Variants in ATRNL1 observed in about 807,000 individuals in gnomAD.
ATRNL1 encodes attractin like 1, also known as attractin-like protein 1.
Under a neutral mutation model 182.7 loss-of-function variants are expected in ATRNL1, and 95 were observed. The observed-to-expected ratio is 0.52, with a 90% CI of 0.44 to 0.62. The LOEUF is 0.62. Ranked by LOEUF, ATRNL1 falls within the 20% of genes least tolerant of loss-of-function variation. The pLI, the probability that ATRNL1 is intolerant of heterozygous loss-of-function variation, is 0.00. For missense variants in ATRNL1, 1,471 were observed against 1,679.5 expected (o/e 0.88, Z 2.17); for synonymous variants, 576 against 568.3 (o/e 1.01, Z -0.19).
chr10:115,549,656 A>G (rs1338331423), intron 26 of ATRNL1, 120 bp downstream of exon 26: 1 of 571,014 alleles, frequency 1.8e-6, no homozygotes, highest in East Asian at 3.5e-5. Flanking sequence ...TTACATACTA[A>G]TATTCAAAAA....
chr10:115,373,698 G>T (rs369565629), intron 19 of ATRNL1, among the ~76,000 whole-genome samples: 2 of 151,662 alleles, frequency 1.3e-5, no homozygotes, highest in East Asian at 3.9e-4. Context: ...TGCATCCCTA[G>T]GATAAATCTT....
intron 27 of ATRNL1, among the ~76,000 whole-genome samples, chr10:115,759,720 G>A (rs749656747): frequency 3.3e-5 from 5 of 150,024 alleles, no homozygotes; most frequent in East Asian, 1.9e-4. Context: ...CTGTCGCCCC[G>A]GCTGGAGTGC....
intron 18 of ATRNL1, among the ~76,000 whole-genome samples, chr10:115,331,661 A>T (rs1212397190): frequency 6.6e-6 from 1 of 151,212 alleles, no homozygotes; most frequent in Non-Finnish European, 1.5e-5. Context: ...TTTATTGACA[A>T]ATTAGGTATT....
rs184989470 is a variant in ATRNL1 at position 115,144,153 on chromosome 10, T to A, written c.829+14618T>A. On this transcript the variant is annotated intron_variant, in intron 5 of 28. Transcript: ENST00000355044. ...ACCACCACGCCCAGCTAAGTTTTTG[T>A]ATTTTTTTTTTTGAGACGGAGTCTC... Among the ~76,000 whole-genome samples, 667 of 151,630 alleles carry A rather than the reference T, an allele frequency of 4.4e-3. 7 individuals carry two copies. Among genetic ancestry groups the A allele is most frequent in the African/African-American group, 0.015 (625 of 41,330 alleles).
chr10:115,671,159 A>G (rs1945686150), intron 26 of ATRNL1, among the ~76,000 whole-genome samples: 1 of 152,130 alleles, frequency 6.6e-6, no homozygotes, highest in Admixed American at 6.6e-5. Context: ...TCCAAGCTAG[A>G]GGTCAGATCA....
chr10:115,361,013 T>C (rs188810697), intron 19 of ATRNL1, among the ~76,000 whole-genome samples: 280 of 152,026 alleles, frequency 1.8e-3, no homozygotes, highest in African/African-American at 6.3e-3. Context: ...ATGCTCACAA[T>C]GAACCTTTGG....
Position 115,334,344 on chromosome 10 carries a change from C to A in ATRNL1, c.3100C>A (p.Leu1034Ile). 1 of 1,605,524 alleles carries A rather than the reference C, an allele frequency of 6.2e-7. No homozygotes were observed. Among genetic ancestry groups the A allele is most frequent in the Non-Finnish European group, 8.5e-7 (1 of 1,173,976 alleles). ...NNNVCEQCKN[L>I]TTGKQCQDCM... Reference sequence around the variant, plus strand: ...TAATGTGTGCGAACAGTGTAAAAATCTCACCACAGGAAAGCAGTGTCAAGA... The same window carrying A: ...TAATGTGTGCGAACAGTGTAAAAATATCACCACAGGAAAGCAGTGTCAAGA... Residue 1034 changes from leucine to isoleucine, a missense_variant, in exon 19 of 29, where the codon CTC (leucine) becomes ATC (isoleucine). By Grantham distance (5) the Leu-to-Ile change is conservative. This residue lies in a region of ATRNL1 where 437 missense variants were observed against 506.0 expected (regional missense o/e 0.86). Coordinates refer to ENST00000355044, the MANE Select transcript of ATRNL1 (RefSeq NM_207303.4).
rs187446124 is a variant in ATRNL1 at position 115,917,199 on chromosome 10, G to A, written c.4019-27459G>A. On this transcript the variant is annotated intron_variant, in intron 28 of 28. Coordinates refer to ENST00000355044, the MANE Select transcript of ATRNL1 (RefSeq NM_207303.4). Reference sequence around the variant, plus strand: ...CTCTAAAACGGGGCCGGCTGGGAGCGGTGGCTCGCGCCTGTAATCCCAGCG... The same window carrying A: ...CTCTAAAACGGGGCCGGCTGGGAGCAGTGGCTCGCGCCTGTAATCCCAGCG... Among the ~76,000 whole-genome samples the A allele has an allele frequency of 3.8e-4, 58 of 151,846 alleles. No individual in the cohort carries two copies. In the East Asian group the frequency reaches 8.1e-3, roughly 21 times the overall value.
At chr10:115,225,494 T>TATAATATAATATAATATAAC (rs1849657777) in intron 9 of ATRNL1, among the ~76,000 whole-genome samples, 1 of 148,244 alleles carries the variant, frequency 6.7e-6, no homozygotes, top group Non-Finnish European at 1.5e-5. Flanking sequence ...TATAATATAA[T>TATAATATAATATAATATAAC]ATAATATAAT....
chr10:115,400,400 G>A, intron 20 of ATRNL1, among the ~76,000 whole-genome samples: 1 of 152,112 alleles, frequency 6.6e-6, no homozygotes, highest in Admixed American at 6.6e-5. Flanking sequence ...ATGCAGTGAT[G>A]AGATGAATGT....
chr10:115,714,610 AG>A (rs1267261316), intron 26 of ATRNL1, among the ~76,000 whole-genome samples: 1 of 152,150 alleles, frequency 6.6e-6, no homozygotes, highest in Non-Finnish European at 1.5e-5. Flanking sequence ...GCGGATGAGA[AG>A]GGTCTACTTA....
intron 27 of ATRNL1, among the ~76,000 whole-genome samples, chr10:115,797,924 T>C (rs1272059799): frequency 6.6e-6 from 1 of 152,130 alleles, no homozygotes; most frequent in South Asian, 2.1e-4. Flanking sequence ...AGACCTTTTT[T>C]TTTCTTTTTT....
chr10:115,233,765 T>G (rs533656925), intron 9 of ATRNL1, among the ~76,000 whole-genome samples: 15 of 152,246 alleles, frequency 9.9e-5, no homozygotes, highest in African/African-American at 3.4e-4. Context: ...ATGACTTACT[T>G]GATTTTTCTA....
At chr10:115,231,125 T>C (rs11197128) in intron 9 of ATRNL1, among the ~76,000 whole-genome samples, 4,022 of 152,144 alleles carry the variant, frequency 0.026, 77 homozygotes, top group Non-Finnish European at 0.041. Context: ...GATGTAGGAA[T>C]TTCAGGATCT....
intron 24 of ATRNL1, among the ~76,000 whole-genome samples, chr10:115,496,609 A>G (rs1238995522): frequency 6.6e-6 from 1 of 152,188 alleles, no homozygotes; most frequent in African/African-American, 2.4e-5. Flanking sequence ...ATTTGAGATC[A>G]TTCTAACTTT....
intron 24 of ATRNL1, among the ~76,000 whole-genome samples, chr10:115,491,395 T>C (rs2134656839): frequency 6.7e-6 from 1 of 149,996 alleles, no homozygotes; most frequent in Middle Eastern, 3.4e-3. Flanking sequence ...GTTTTATCTT[T>C]AAGTCCCTGA....
At chr10:115,846,379 T>C (rs1321118505) in intron 27 of ATRNL1, among the ~76,000 whole-genome samples, 1 of 152,128 alleles carries the variant, frequency 6.6e-6, no homozygotes, top group Non-Finnish European at 1.5e-5. Flanking sequence ...TATTTTATCT[T>C]TAATGCCTCA....
chr10:115,536,790 C>G (rs554931145), intron 25 of ATRNL1, among the ~76,000 whole-genome samples: 2 of 152,162 alleles, frequency 1.3e-5, no homozygotes, highest in African/African-American at 4.8e-5. Context: ...TCATGTTGTA[C>G]ATAAACATAT....
chr10:115,758,054 T>C (rs1364895175), intron 27 of ATRNL1, among the ~76,000 whole-genome samples: 1 of 151,918 alleles, frequency 6.6e-6, no homozygotes, highest in African/African-American at 2.4e-5. Flanking sequence ...TAGTTAACAA[T>C]TCATATAACC....
Sources: allele counts gnomAD v4.1 joint callset (sites outside exome capture counted in the v4.1 genomes callset), GRCh38; gene constraint gnomAD v4.1.1; regional missense constraint gnomAD v4.1.1; transcripts MANE v1.5; gene names NCBI Gene and HGNC (gene_info 2026-07-23, HGNC 2026-07-21).